SOX6: variants seen among roughly 807,000 people sequenced by gnomAD.
SOX6 encodes the protein SRY-box transcription factor 6, also known as transcription factor SOX-6.
A neutral mutation model predicts 97.8 loss-of-function variants in SOX6; 11 were observed. The observed-to-expected ratio is 0.11, with a 90% CI of 0.07 to 0.19. The LOEUF is 0.19. Among genes scored for constraint, SOX6 ranks in the 10% least tolerant of loss-of-function variants. The pLI, the probability that SOX6 is intolerant of heterozygous loss-of-function variation, is 1.00. For missense variants in SOX6, 810 were observed against 1,039.5 expected, an observed-to-expected ratio of 0.78 and a Z score of 3.04; for synonymous variants, 360 against 371.4, an observed-to-expected ratio of 0.97 and a Z score of 0.35.
At chr11:16,720,147 G>C (rs2134052993) in intron 2 of SOX6, among the ~76,000 whole-genome samples, 1 of 152,036 alleles carries the variant, frequency 6.6e-6, no homozygotes, top group East Asian at 1.9e-4. Context: ...ATTCCTCAGG[G>C]ATCTAGAACT....
chr11:16,515,010 T>C (rs1860947277), intron 4 of SOX6, among the ~76,000 whole-genome samples: 1 of 151,886 alleles, frequency 6.6e-6, no homozygotes, highest in African/African-American at 2.4e-5. Flanking sequence ...TAAACATACG[T>C]GTGCATGTGT....
At chr11:16,094,803 GA>G (rs1487906534) in intron 9 of SOX6, among the ~76,000 whole-genome samples, 1 of 151,812 alleles carries the variant, frequency 6.6e-6, no homozygotes, top group East Asian at 1.9e-4. Flanking sequence ...TGTCTGAGTG[GA>G]AACCCCCTCT....
intron 9 of SOX6, among the ~76,000 whole-genome samples, chr11:16,089,165 C>A (rs973486953): frequency 6.6e-6 from 1 of 152,004 alleles, no homozygotes; most frequent in Non-Finnish European, 1.5e-5. Flanking sequence ...AAGAGAGAGG[C>A]CTTAGGAAAT....
At chr11:16,147,413 A>G (rs1207635640) in intron 6 of SOX6, among the ~76,000 whole-genome samples, 1 of 152,138 alleles carries the variant, frequency 6.6e-6, no homozygotes, top group Non-Finnish European at 1.5e-5. Flanking sequence ...ATGACGAGTT[A>G]ATGGGTGCGG....
intron 12 of SOX6, among the ~76,000 whole-genome samples, chr11:16,035,819 C>A (rs1485280236): frequency 3.3e-5 from 5 of 152,152 alleles, no homozygotes; most frequent in Admixed American, 2.6e-4. Context: ...ACAACATAAG[C>A]AGCACTAAGA....
At chr11:16,157,858 C>A (rs1850642761) in intron 6 of SOX6, among the ~76,000 whole-genome samples, 1 of 151,924 alleles carries the variant, frequency 6.6e-6, no homozygotes, top group Non-Finnish European at 1.5e-5. Context: ...GGTTCACATT[C>A]CTTCTCCTAC....
At chr11:16,503,763 G>A (rs567746988) in intron 4 of SOX6, among the ~76,000 whole-genome samples, 82 of 152,226 alleles carry the variant, frequency 5.4e-4, no homozygotes, top group Admixed American at 3.7e-3. Context: ...TAAATTTATC[G>A]GTTGGGCACG....
At chr11:16,323,510 T>C (rs910767823) in intron 2 of SOX6, among the ~76,000 whole-genome samples, 2 of 152,100 alleles carry the variant, frequency 1.3e-5, no homozygotes, top group Admixed American at 6.6e-5. Context: ...ACTCAAATCT[T>C]TGGGCATTTG....
intron 6 of SOX6, among the ~76,000 whole-genome samples, chr11:16,119,702 G>A (rs1350920229): frequency 1.3e-5 from 2 of 152,148 alleles, no homozygotes; most frequent in Admixed American, 1.3e-4. Context: ...AATTTTCATA[G>A]GGTAGAATTG....
Position 16,170,786 on chromosome 11 carries a change from A to C in SOX6, c.777+13100T>G, listed in dbSNP as rs79868389. ...AGCCCAACTAAAATACCCTTTGTGC[A>C]TTCTCATTTCCAAAGAAAATATGGT... On this transcript the variant is annotated intron_variant, in intron 6 of 15. Transcript: ENST00000683767. 8.7e-3 allele frequency among the ~76,000 whole-genome samples: 1,320 copies of C among 152,144 alleles called. 22 individuals are homozygous for C. The highest frequency in any genetic ancestry group is 0.03 in the African/African-American group (1,237 of 41,518).
At chr11:16,150,575 A>T (rs1485289600) in intron 6 of SOX6, among the ~76,000 whole-genome samples, 1 of 152,198 alleles carries the variant, frequency 6.6e-6, no homozygotes, top group Non-Finnish European at 1.5e-5. Flanking sequence ...GTCTAGAACT[A>T]GTTCTGTCTC....
At chr11:16,136,875 A>C (rs978212190) in intron 6 of SOX6, among the ~76,000 whole-genome samples, 2 of 152,142 alleles carry the variant, frequency 1.3e-5, no homozygotes. Flanking sequence ...GTCTCTCCAG[A>C]CCATAAACCA....
At chr11:16,195,173 A>G (rs1851738586) in intron 4 of SOX6, among the ~76,000 whole-genome samples, 1 of 152,192 alleles carries the variant, frequency 6.6e-6, no homozygotes, top group African/African-American at 2.4e-5. Context: ...TTTCTTAAAA[A>G]TTCTTGTTAT....
intron 4 of SOX6, among the ~76,000 whole-genome samples, chr11:16,499,599 T>G (rs555520765): frequency 6.6e-6 from 1 of 152,096 alleles, no homozygotes; most frequent in Non-Finnish European, 1.5e-5. Flanking sequence ...AAGAATCAAA[T>G]AGACGCAATA....
chr11:16,579,235 C>A (rs1723946017), intron 4 of SOX6, among the ~76,000 whole-genome samples: 1 of 151,804 alleles, frequency 6.6e-6, no homozygotes, highest in Non-Finnish European at 1.5e-5. Context: ...AGATATTTTT[C>A]TCTTCTTTTA....
At chr11:16,286,897 C>T (rs1372582132) in intron 3 of SOX6, among the ~76,000 whole-genome samples, 1 of 151,608 alleles carries the variant, frequency 6.6e-6, no homozygotes, top group Non-Finnish European at 1.5e-5. Flanking sequence ...ATTGTTTAAG[C>T]TAGATGATAG....
intron 1 of SOX6, among the ~76,000 whole-genome samples, chr11:16,346,590 G>C (rs1418413865): frequency 6.6e-6 from 1 of 151,996 alleles, no homozygotes; most frequent in African/African-American, 2.4e-5. Flanking sequence ...GCTTCTGCCA[G>C]ATTTTTCTAT....
chr11:16,505,183 T>C (rs1467914635), intron 4 of SOX6, among the ~76,000 whole-genome samples: 1 of 152,208 alleles, frequency 6.6e-6, no homozygotes, highest in Non-Finnish European at 1.5e-5. Flanking sequence ...TGAATGGTTG[T>C]GGCCAAAATG....
At chr11:16,067,264 T>TTTG (rs1179685733) in intron 9 of SOX6, among the ~76,000 whole-genome samples, 1 of 152,098 alleles carries the variant, frequency 6.6e-6, no homozygotes, top group East Asian at 1.9e-4. Flanking sequence ...ATAATATGGT[T>TTTG]TTGTTGTGTC....
Sources: allele counts gnomAD v4.1 joint callset (sites outside exome capture counted in the v4.1 genomes callset), GRCh38; gene constraint gnomAD v4.1.1; transcripts MANE v1.5; gene names NCBI Gene and HGNC (gene_info 2026-07-23, HGNC 2026-07-21).